The following CNTNAP2 variants were observed in gnomAD, a reference collection of about 807,000 sequenced individuals.
The protein encoded by CNTNAP2 is contactin associated protein 2.
In CNTNAP2, 98 loss-of-function variants were observed where a neutral mutation model predicts 155.2. That is an observed-to-expected ratio of 0.63 (90% CI 0.54 to 0.75). CNTNAP2 has a LOEUF of 0.75. Ranked by LOEUF, CNTNAP2 falls within the 30% of genes least tolerant of loss-of-function variation. CNTNAP2 has a pLI of 0.00. For missense variants in CNTNAP2, 1,727 were observed against 1,688.1 expected (o/e 1.02, Z -0.40); for synonymous variants, 651 against 631.2 (o/e 1.03, Z -0.47).
intron 8 of CNTNAP2, among the ~76,000 whole-genome samples, chr7:147,148,098 A>G (rs1801742753): frequency 6.6e-6 from 1 of 152,234 alleles, no homozygotes. Context: ...TATATGGTAA[A>G]AAGTGGTGGG....
intron 14 of CNTNAP2, among the ~76,000 whole-genome samples, chr7:147,969,748 T>G (rs1480200439): frequency 6.6e-6 from 1 of 152,144 alleles, no homozygotes; most frequent in Admixed American, 6.5e-5. Context: ...TAACTTTGGC[T>G]TGAGTTATAG....
At chr7:146,691,751 C>A (rs1272726695) in intron 1 of CNTNAP2, among the ~76,000 whole-genome samples, 2 of 152,070 alleles carry the variant, frequency 1.3e-5, no homozygotes, top group South Asian at 2.1e-4. Flanking sequence ...CTCTCCTCCC[C>A]CTTTTGCATT....
At chr7:147,553,730 G>A (rs1049090235) in intron 11 of CNTNAP2, among the ~76,000 whole-genome samples, 5 of 152,128 alleles carry the variant, frequency 3.3e-5, no homozygotes, top group Admixed American at 6.5e-5. Flanking sequence ...GTTTGCGCCT[G>A]TAATCCCAGC....
chr7:146,617,009 C>A (rs1030665996), intron 1 of CNTNAP2, among the ~76,000 whole-genome samples: 3 of 101,288 alleles, frequency 3.0e-5, no homozygotes, highest in African/African-American at 1.5e-4. Flanking sequence ...TTCCAGGAAA[C>A]CTGGTTTTTT....
chr7:146,517,651 A>C (rs1262082057), intron 1 of CNTNAP2, among the ~76,000 whole-genome samples: 1 of 151,890 alleles, frequency 6.6e-6, no homozygotes, highest in African/African-American at 2.4e-5. Flanking sequence ...GATATAATTT[A>C]ATTTGTATTT....
At chr7:146,215,090 G>A (rs949435531) in intron 1 of CNTNAP2, among the ~76,000 whole-genome samples, 4 of 152,040 alleles carry the variant, frequency 2.6e-5, no homozygotes, top group South Asian at 2.1e-4. Flanking sequence ...TAAATATTAC[G>A]TACATGGAAA....
At chr7:146,394,498 GT>G (rs5888205) in intron 1 of CNTNAP2, among the ~76,000 whole-genome samples, 41,022 of 151,412 alleles carry the variant, frequency 0.27, 5,822 homozygotes, top group Admixed American at 0.41. Flanking sequence ...TGGATAGAAT[GT>G]TTTATTTCTC....
rs111869594 is a variant in CNTNAP2 at position 147,139,488 on chromosome 7, C to G, written c.1348+6979C>G. Among the ~76,000 whole-genome samples the G allele has an allele frequency of 8.4e-3, 1,273 of 152,184 alleles. 16 individuals carry two copies. Among genetic ancestry groups the G allele is most frequent in the African/African-American group, 0.029 (1,224 of 41,538 alleles). On this transcript the variant is annotated intron_variant, in intron 8 of 23. Transcript: ENST00000361727. ...ACACAAAGCAGTCATTGGTTTGGAA[C>G]CTTCCCCACACCACTTCCCACTCCC...
At chr7:146,511,542 C>T (rs1025530123) in intron 1 of CNTNAP2, among the ~76,000 whole-genome samples, 2 of 152,104 alleles carry the variant, frequency 1.3e-5, no homozygotes, top group East Asian at 1.9e-4. Flanking sequence ...TGGAAATAAA[C>T]ATTTTTTTAA....
chr7:147,597,314 C>T (rs988283854), intron 12 of CNTNAP2, among the ~76,000 whole-genome samples: 2 of 152,098 alleles, frequency 1.3e-5, no homozygotes, highest in African/African-American at 4.8e-5. Flanking sequence ...CTACCCATGC[C>T]CCTCACTCCC....
chr7:146,389,844 G>A (rs1795514925), intron 1 of CNTNAP2, among the ~76,000 whole-genome samples: 1 of 151,550 alleles, frequency 6.6e-6, no homozygotes, highest in Non-Finnish European at 1.5e-5. Flanking sequence ...TGGGATTACA[G>A]GTCCCCACTA....
At chr7:146,293,686 A>C (rs898668544) in intron 1 of CNTNAP2, among the ~76,000 whole-genome samples, 6 of 151,928 alleles carry the variant, frequency 3.9e-5, no homozygotes, top group Admixed American at 2.6e-4. Context: ...CTCTCCTTTC[A>C]TTTCACGTTG....
At chr7:147,960,132 C>T (rs1801090986) in intron 14 of CNTNAP2, among the ~76,000 whole-genome samples, 1 of 152,106 alleles carries the variant, frequency 6.6e-6, no homozygotes, top group South Asian at 2.1e-4. Flanking sequence ...CCATCAGAGT[C>T]ATGGAGTGGT....
chr7:148,195,417 C>A (rs1363218491), intron 18 of CNTNAP2, among the ~76,000 whole-genome samples: 1 of 152,132 alleles, frequency 6.6e-6, no homozygotes, highest in Non-Finnish European at 1.5e-5. Flanking sequence ...AACTTGAAAA[C>A]AGGAAAATAT....
chr7:146,361,499 G>C (rs1002482691), intron 1 of CNTNAP2, among the ~76,000 whole-genome samples: 4 of 152,158 alleles, frequency 2.6e-5, no homozygotes, highest in African/African-American at 9.7e-5. Flanking sequence ...GCTTCTCTAG[G>C]ATTCAAGTGT....
chr7:147,690,043 T>TTCCG (rs1796066345), intron 13 of CNTNAP2, among the ~76,000 whole-genome samples: 1 of 152,078 alleles, frequency 6.6e-6, no homozygotes, highest in Admixed American at 6.6e-5. Context: ...CCAGTCTCCC[T>TTCCG]TCCTTCCTTT....
At chr7:147,001,120 G>T (rs1322149741) in intron 3 of CNTNAP2, among the ~76,000 whole-genome samples, 1 of 152,080 alleles carries the variant, frequency 6.6e-6, no homozygotes, top group Non-Finnish European at 1.5e-5. Flanking sequence ...TGGAGGTTGG[G>T]TAACATGGGA....
At position 148,313,110 on chromosome 7, in the gene CNTNAP2, T is replaced by C. The variant is rs1221853008; in HGVS notation, c.3475+45984T>C. On this transcript the variant is annotated intron_variant, in intron 21 of 23. Transcript: ENST00000361727. ...TAAGTTGGCACCAGAGTTGGGGAGT[T>C]TTAAGAGGTTTAGAAGCCTGGCCAT... 2.0e-5 allele frequency among the ~76,000 whole-genome samples: 3 copies of C among 150,862 alleles called. No individual in the cohort carries two copies. The East Asian group carries it at 5.8e-4, about 29-fold the overall frequency.
At chr7:147,730,322 G>C (rs1376103356) in intron 13 of CNTNAP2, among the ~76,000 whole-genome samples, 2 of 152,054 alleles carry the variant, frequency 1.3e-5, no homozygotes, top group Non-Finnish European at 2.9e-5. Context: ...GAAGGTTTGT[G>C]ACAACCCTGT....
Sources: gnomAD v4.1 joint callset for allele counts (sites outside exome capture counted in the v4.1 genomes callset) on GRCh38, gnomAD v4.1.1 for gene constraint, MANE v1.5 for transcripts, NCBI Gene and HGNC (gene_info 2026-07-23, HGNC 2026-07-21) for gene names.